The following FAM178B variants were observed in gnomAD, a reference collection of about 807,000 sequenced individuals.
FAM178B encodes protein FAM178B.
Under a neutral mutation model 91.7 loss-of-function variants are expected in FAM178B, and 82 were observed. The ratio of observed to expected loss-of-function variants is 0.89; its 90% CI spans 0.75 to 1.07. The LOEUF is 1.07. Among genes scored for constraint, FAM178B ranks in the 50% least tolerant of loss-of-function variants. The pLI is 0.00. For synonymous variants in FAM178B, 368 were observed against 359.4 expected (o/e 1.02, Z -0.27); for missense variants, 769 against 846.7 (o/e 0.91, Z 1.14).
chr2:96,890,097 A>T (rs2080635066), intron 14 of FAM178B, among the ~76,000 whole-genome samples: 1 of 152,166 alleles, frequency 6.6e-6, no homozygotes, highest in Admixed American at 6.6e-5. Context: ...CCAACATGGC[A>T]AAACCCGTCT....
intron 14 of FAM178B, 114 bp from the exon 15 acceptor site, chr2:96,878,607 G>C: frequency 1.1e-6 from 1 of 908,362 alleles, no homozygotes; most frequent in Non-Finnish European, 1.7e-6. Context: ...CAGGGGCTCA[G>C]TCACCCCTAG....
At chr2:96,957,668 AGGAAG>A (rs1224564399) in intron 6 of FAM178B, among the ~76,000 whole-genome samples, 2 of 152,262 alleles carry the variant, frequency 1.3e-5, no homozygotes, top group Non-Finnish European at 2.9e-5. Context: ...GAAGCAGCCC[AGGAAG>A]ACGCCTTCCT....
intron 14 of FAM178B, among the ~76,000 whole-genome samples, chr2:96,880,124 C>T (rs1229157048): frequency 2.0e-5 from 3 of 152,234 alleles, no homozygotes; most frequent in African/African-American, 7.2e-5. Context: ...TCTGCTTCTG[C>T]ACAGACCAAA....
chr2:96,973,729 G>A (rs763628884), intron 1 of FAM178B, among the ~76,000 whole-genome samples: 1 of 152,018 alleles, frequency 6.6e-6, no homozygotes, highest in Non-Finnish European at 1.5e-5. Context: ...GGCTGGGTGC[G>A]GTGGCTCACA....
Position 96,954,885 on chromosome 2 carries a change from A to G in FAM178B, c.888-3401T>C, listed in dbSNP as rs116905892. 1.9e-3 allele frequency among the ~76,000 whole-genome samples: 289 copies of G among 150,914 alleles called. 8 individuals carry two copies. The East Asian group carries it at 0.049, about 26-fold the overall frequency. On this transcript the variant is annotated intron_variant, in intron 6 of 16. Coordinates refer to ENST00000490605, the MANE Select transcript of FAM178B (RefSeq NM_001122646.3). Reference sequence around the variant, plus strand: ...GGCAACACAGTGAGACCCTGTCTCTAAAAAAAAATACAAAACTTAGCTAAG... The same window carrying G: ...GGCAACACAGTGAGACCCTGTCTCTGAAAAAAAATACAAAACTTAGCTAAG...
intron 10 of FAM178B, among the ~76,000 whole-genome samples, chr2:96,922,253 A>C (rs576179531): frequency 2.0e-5 from 3 of 152,346 alleles, no homozygotes; most frequent in South Asian, 2.1e-4. Flanking sequence ...GAAAACTCAT[A>C]ATCCACCTCT....
intron 11 of FAM178B, 26 bp from the exon 12 acceptor site, chr2:96,921,288 C>A: frequency 7.1e-6 from 11 of 1,548,088 alleles, no homozygotes; most frequent in Non-Finnish European, 7.9e-6. Context: ...ACCCCATGGG[C>A]TACAGGAGGA....
intron 14 of FAM178B, among the ~76,000 whole-genome samples, chr2:96,880,472 G>A (rs897184117): frequency 9.2e-5 from 14 of 152,220 alleles, no homozygotes; most frequent in African/African-American, 3.4e-4. Flanking sequence ...TAGGTAGCAG[G>A]AAAATGAGCT....
chr2:96,878,323 T>G, intron 15 of FAM178B, 93 bp downstream of exon 15: 2 of 1,224,834 alleles, frequency 1.6e-6, no homozygotes, highest in Admixed American at 1.9e-5. Flanking sequence ...TTCCTAACAG[T>G]GGGCTGGGCG....
intron 6 of FAM178B, among the ~76,000 whole-genome samples, chr2:96,952,538 C>T (rs886555151): frequency 6.6e-6 from 1 of 152,116 alleles, no homozygotes; most frequent in Non-Finnish European, 1.5e-5. Context: ...ACCACTGACC[C>T]GGTAGATCAC....
intron 14 of FAM178B, among the ~76,000 whole-genome samples, chr2:96,893,126 C>G (rs1019682064): frequency 5.3e-5 from 8 of 152,300 alleles, no homozygotes; most frequent in African/African-American, 1.9e-4. Context: ...CATCCAGCCT[C>G]CGAGTGAGTT....
At chr2:96,984,584 A>G (rs931810587) in intron 1 of FAM178B, among the ~76,000 whole-genome samples, 4 of 152,232 alleles carry the variant, frequency 2.6e-5, no homozygotes, top group African/African-American at 9.6e-5. Flanking sequence ...CTCAGTGGGC[A>G]GCTGACTCTA....
chr2:96,935,163 AAAAC>A lies in FAM178B; in HGVS notation c.1079-5847_1079-5844del, dbSNP rs922900744. On this transcript the variant is annotated intron_variant, in intron 8 of 16. Coordinates refer to ENST00000490605, the MANE Select transcript of FAM178B (RefSeq NM_001122646.3). ...ACAAATAACAAAATGGAACAAAATT[AAAAC>A]AAACAAACAAACAAAAACAAAAACA... Among the ~76,000 whole-genome samples, 9 of 151,254 alleles carry A rather than the reference AAAAC, an allele frequency of 6.0e-5. No individual in the cohort carries two copies. In the South Asian group the frequency reaches 1.0e-3, roughly 17 times the overall value.
intron 1 of FAM178B, among the ~76,000 whole-genome samples, chr2:96,972,841 G>C (rs532944538): frequency 6.6e-6 from 1 of 151,934 alleles, no homozygotes; most frequent in South Asian, 2.1e-4. Flanking sequence ...TTTTTTAGAC[G>C]GAGTCTCACT....
In FAM178B at chr2:96,910,607, G is replaced by C. The variant is rs566071966; in HGVS notation, c.1563-7900C>G. 6.6e-5 allele frequency among the ~76,000 whole-genome samples: 10 copies of C among 151,858 alleles called. No homozygotes were observed. The East Asian group carries it at 1.9e-3, about 29-fold the overall frequency. Reference sequence around the variant, plus strand: ...GCATTTCCCAACAACACTCCCGCTGGTCCACGCCGTTTGTCCGGCTACCTT... The same window carrying C: ...GCATTTCCCAACAACACTCCCGCTGCTCCACGCCGTTTGTCCGGCTACCTT... On this transcript the variant is annotated intron_variant, in intron 12 of 16. Coordinates refer to ENST00000490605, the MANE Select transcript of FAM178B (RefSeq NM_001122646.3).
At chr2:96,903,879 AT>A (rs2080980770) in intron 12 of FAM178B, among the ~76,000 whole-genome samples, 2 of 152,196 alleles carry the variant, frequency 1.3e-5, no homozygotes, top group Non-Finnish European at 2.9e-5. Flanking sequence ...GCACTTTTAG[AT>A]TTTCTTAGGA....
chr2:96,982,435 G>C (rs1207686857), intron 1 of FAM178B, among the ~76,000 whole-genome samples: 1 of 151,484 alleles, frequency 6.6e-6, no homozygotes, highest in African/African-American at 2.4e-5. Context: ...GTTAATTTTT[G>C]TATTTTTTGT....
intron 2 of FAM178B, 57 bp from the exon 3 acceptor site, chr2:96,972,379 T>C: frequency 6.8e-7 from 1 of 1,471,850 alleles, no homozygotes; most frequent in Non-Finnish European, 9.1e-7. Flanking sequence ...GTCCCAGACG[T>C]CAAGCCACAC....
At chr2:96,922,098 T>C (rs1281588198) in intron 10 of FAM178B, among the ~76,000 whole-genome samples, 1 of 152,092 alleles carries the variant, frequency 6.6e-6, no homozygotes, top group Non-Finnish European at 1.5e-5. Flanking sequence ...TATTATATGC[T>C]AATAACAGTG....
Sources: allele counts gnomAD v4.1 joint callset (sites outside exome capture counted in the v4.1 genomes callset), GRCh38; gene constraint gnomAD v4.1.1; transcripts MANE v1.5; gene names NCBI Gene and HGNC (gene_info 2026-07-23, HGNC 2026-07-21).